The following IMPG1 variants were observed in gnomAD, a reference collection of about 807,000 sequenced individuals.
IMPG1 encodes interphotoreceptor matrix proteoglycan 1, also known as interphotoreceptor matrix proteoglycan of 150 kDa.
In IMPG1, 85 loss-of-function variants were observed where a neutral mutation model predicts 92.0. The observed-to-expected ratio is 0.92, with a 90% confidence interval of 0.78 to 1.11. The LOEUF (loss-of-function observed/expected upper bound fraction) is 1.11, where lower values mean the gene tolerates loss of function less well. Among genes scored for constraint, IMPG1 ranks in the 50% least tolerant of loss-of-function variants. IMPG1 has a pLI of 0.00. For missense variants in IMPG1, 1,022 were observed against 956.0 expected (o/e 1.07, Z -0.91); for synonymous variants, 367 against 334.1 (o/e 1.10, Z -1.08).
At chr6:76,047,684 G>A (rs1035995542) in intron 1 of IMPG1, among the ~76,000 whole-genome samples, 6 of 151,968 alleles carry the variant, frequency 3.9e-5, no homozygotes, top group Non-Finnish European at 8.8e-5. Context: ...TATTAATTAA[G>A]TGAATTAATG....
chr6:75,941,123 C>T (rs887107819), intron 14 of IMPG1, among the ~76,000 whole-genome samples: 5 of 150,440 alleles, frequency 3.3e-5, no homozygotes, highest in East Asian at 2.0e-4. Context: ...GAGATGGGGT[C>T]GATTCATCTT....
At chr6:75,987,540 G>A (rs546019448) in intron 12 of IMPG1, among the ~76,000 whole-genome samples, 6 of 135,958 alleles carry the variant, frequency 4.4e-5, no homozygotes, top group East Asian at 2.4e-4. Context: ...AATTCCCACC[G>A]ATGAGTGAGA....
chr6:75,956,631 C>T (rs968449111), intron 12 of IMPG1, among the ~76,000 whole-genome samples: 1 of 152,012 alleles, frequency 6.6e-6, no homozygotes, highest in Non-Finnish European at 1.5e-5. Flanking sequence ...TTGTTTTCTG[C>T]TAGCTTTTGA....
chr6:75,973,079 G>A (rs1023531534), intron 12 of IMPG1, among the ~76,000 whole-genome samples: 4 of 152,154 alleles, frequency 2.6e-5, no homozygotes, highest in Admixed American at 6.5e-5. Context: ...TCGAGCTCGA[G>A]TGATCCTTCT....
At chr6:75,939,543 T>A (rs1246316631) in intron 14 of IMPG1, among the ~76,000 whole-genome samples, 1 of 152,250 alleles carries the variant, frequency 6.6e-6, no homozygotes, top group African/African-American at 2.4e-5. Flanking sequence ...TCCTTTTTTA[T>A]GGCTGCATAG....
At chr6:75,952,211 T>A (rs929622166) in intron 12 of IMPG1, among the ~76,000 whole-genome samples, 2 of 152,192 alleles carry the variant, frequency 1.3e-5, no homozygotes, top group African/African-American at 4.8e-5. Flanking sequence ...ATTTAAGGCA[T>A]TAAGTGAACA....
chr6:75,998,813 A>G (rs1782940053), intron 12 of IMPG1, among the ~76,000 whole-genome samples: 3 of 152,236 alleles, frequency 2.0e-5, no homozygotes, highest in African/African-American at 7.2e-5. Context: ...TGTGGAGGAC[A>G]GAATATCAAG....
chr6:75,998,909 T>A (rs1010330118), intron 12 of IMPG1, among the ~76,000 whole-genome samples: 3 of 152,026 alleles, frequency 2.0e-5, no homozygotes, highest in Admixed American at 6.6e-5. Context: ...CAGACTGGAG[T>A]GTAGTGGAGC....
At chr6:76,009,711 A>G (rs965717716) in intron 8 of IMPG1, among the ~76,000 whole-genome samples, 1 of 152,250 alleles carries the variant, frequency 6.6e-6, no homozygotes, top group African/African-American at 2.4e-5. Context: ...GTAAAAATTC[A>G]GTGTCAAGAG....
intron 1 of IMPG1, among the ~76,000 whole-genome samples, chr6:76,070,049 T>G (rs1266356740): frequency 1.3e-5 from 2 of 152,182 alleles, no homozygotes; most frequent in African/African-American, 4.8e-5. Flanking sequence ...AGTACCTGCA[T>G]GATGGGGTCA....
intron 8 of IMPG1, 45 bp downstream of exon 8, chr6:76,011,121 A>G: frequency 1.9e-6 from 2 of 1,036,956 alleles, no homozygotes; most frequent in South Asian, 1.3e-5. Context: ...AAGGATAGGA[A>G]GAAAGTAATT....
chr6:75,988,768 T>G (rs1157574334), intron 12 of IMPG1, among the ~76,000 whole-genome samples: 1 of 152,178 alleles, frequency 6.6e-6, no homozygotes, highest in Non-Finnish European at 1.5e-5. Context: ...GAAACATTAC[T>G]CTTTTAAATC....
At chr6:76,044,629 G>A (rs575504756) in intron 1 of IMPG1, among the ~76,000 whole-genome samples, 1 of 152,146 alleles carries the variant, frequency 6.6e-6, no homozygotes, top group East Asian at 1.9e-4. Context: ...CAATGTTGCT[G>A]TCCTGGAATT....
At chr6:76,040,604 T>C (rs1174652775) in intron 2 of IMPG1, among the ~76,000 whole-genome samples, 3 of 152,214 alleles carry the variant, frequency 2.0e-5, no homozygotes, top group East Asian at 1.9e-4. Context: ...CTTAGAATAG[T>C]AATATAGTGC....
intron 12 of IMPG1, among the ~76,000 whole-genome samples, chr6:75,971,219 C>CA (rs1487813852): frequency 1.3e-5 from 2 of 150,120 alleles, no homozygotes; most frequent in East Asian, 2.0e-4. Flanking sequence ...ATCGCACGGA[C>CA]AAAAAACCAA....
intron 12 of IMPG1, among the ~76,000 whole-genome samples, chr6:75,997,561 G>T (rs985638782): frequency 2.6e-5 from 4 of 152,102 alleles, no homozygotes; most frequent in African/African-American, 9.7e-5. Context: ...CTCTTATTTT[G>T]ATGAAAGTAT....
At chr6:76,004,793 A>C (rs1783062510) in intron 10 of IMPG1, among the ~76,000 whole-genome samples, 1 of 152,212 alleles carries the variant, frequency 6.6e-6, no homozygotes, top group South Asian at 2.1e-4. Flanking sequence ...CAACACTTCA[A>C]GTCTGGAGAT....
At chr6:76,003,691 A>G (rs944516541) in intron 11 of IMPG1, among the ~76,000 whole-genome samples, 183 bp downstream of exon 11, 1 of 152,218 alleles carries the variant, frequency 6.6e-6, no homozygotes, top group African/African-American at 2.4e-5. Context: ...AAGTTGTATT[A>G]TATTTTATTA....
Position 76,034,762 on chromosome 6 carries a change from T to A in IMPG1, c.327A>T (p.Ala109=), listed in dbSNP as rs1279659309. The A allele has an allele frequency of 1.2e-6, 2 of 1,614,126 alleles. No individual in the cohort carries two copies. Among genetic ancestry groups the A allele is most frequent in the Admixed American group, 3.3e-5 (2 of 60,014 alleles). ...LRVCQEAVWE[A]YRIFLDRIPD... is the part of the protein sequence containing the mutation. ...GGATGCGATCCAGAAAGATCCGATA[T>A]GCTTCCCATACTGCTTCCTGACACA... Residue 109 remains alanine (A), a synonymous_variant, in exon 3 of 17, where the codon GCA becomes GCT. Transcript: ENST00000369950.
Sources: allele counts gnomAD v4.1 joint callset (sites outside exome capture counted in the v4.1 genomes callset), GRCh38; gene constraint gnomAD v4.1.1; transcripts MANE v1.5; gene names NCBI Gene and HGNC (gene_info 2026-07-23, HGNC 2026-07-21).